SLIT3: variants seen among roughly 807,000 people sequenced by gnomAD.
SLIT3 encodes slit homolog 3 protein.
Under a neutral mutation model 184.0 loss-of-function variants are expected in SLIT3, and 68 were observed. The ratio of observed to expected loss-of-function variants is 0.37; its 90% CI spans 0.30 to 0.45. The LOEUF is 0.45. SLIT3 is among the 20% of genes least tolerant of loss of function. The pLI is 1.00. For synonymous variants in SLIT3, 831 were observed against 828.6 expected, an observed-to-expected ratio of 1.00 and a Z score of -0.05; for missense variants, 1,707 against 2,026.0, an observed-to-expected ratio of 0.84 and a Z score of 3.02.
intron 4 of SLIT3, among the ~76,000 whole-genome samples, chr5:168,985,386 C>G (rs62378595): frequency 6.6e-6 from 1 of 152,114 alleles, no homozygotes; most frequent in Non-Finnish European, 1.5e-5. Flanking sequence ...TCTGAACTGC[C>G]GTGGAGCAAA....
chr5:168,917,240 TC>T (rs1761471991), intron 4 of SLIT3, among the ~76,000 whole-genome samples: 1 of 152,202 alleles, frequency 6.6e-6, no homozygotes, highest in African/African-American at 2.4e-5. Context: ...GAGCTTTGGT[TC>T]CCAGACCAGA....
At position 168,662,381 on chromosome 5, in the gene SLIT3, T is replaced by C. The variant is rs1760890705; in HGVS notation, c.*4073A>G. The stretch of plus-strand genomic sequence containing the variant: ...AGGGTTCAGTCTGGCAATAGCTTTG[T>C]TTCTGGTGAAGGGAAAGGTTAGATC... On this transcript the variant is annotated 3_prime_UTR_variant, in exon 36 of 36. Coordinates refer to ENST00000519560, the MANE Select transcript of SLIT3 (RefSeq NM_003062.4). The C allele has an allele frequency of 6.6e-6, 1 of 152,210 alleles. No individual in the cohort carries two copies. Among genetic ancestry groups the C allele is most frequent in the Non-Finnish European group, 1.5e-5 (1 of 68,044 alleles). The allele number at this position is 152,210 out of a possible 1,614,324, so 9.4% of individuals were successfully genotyped here. A position where few individuals can be genotyped will look rare whatever the true frequency, so the allele number is the denominator to read the frequency against.
intron 4 of SLIT3, among the ~76,000 whole-genome samples, chr5:169,067,629 T>A (rs552181389): frequency 6.6e-6 from 1 of 152,276 alleles, no homozygotes; most frequent in African/African-American, 2.4e-5. Flanking sequence ...GCATCCTGAC[T>A]TATGCCGTGA....
chr5:168,953,752 A>T (rs10073514), intron 4 of SLIT3, among the ~76,000 whole-genome samples: 72,965 of 151,778 alleles, frequency 0.48, 18,693 homozygotes, highest in African/African-American at 0.67. Flanking sequence ...AGGCGCTGAA[A>T]GCATATTCTC....
chr5:169,105,221 T>C (rs1338072261), intron 4 of SLIT3, among the ~76,000 whole-genome samples: 1 of 152,246 alleles, frequency 6.6e-6, no homozygotes, highest in Admixed American at 6.5e-5. Context: ...TTAATGTGGG[T>C]GGGGGACGGC....
chr5:169,023,252 C>T (rs773624932), intron 4 of SLIT3, among the ~76,000 whole-genome samples: 5 of 152,092 alleles, frequency 3.3e-5, no homozygotes, highest in Non-Finnish European at 7.4e-5. Context: ...TCTGTGAGGA[C>T]CTAGTGCTGC....
At chr5:169,171,680 C>T (rs576864643) in intron 4 of SLIT3, among the ~76,000 whole-genome samples, 1 of 152,318 alleles carries the variant, frequency 6.6e-6, no homozygotes, top group Admixed American at 6.5e-5. Flanking sequence ...TGGAATGCAG[C>T]CCACCCTGTG....
intron 4 of SLIT3, among the ~76,000 whole-genome samples, chr5:168,945,746 C>T (rs1251770570): frequency 6.6e-6 from 1 of 152,236 alleles, no homozygotes; most frequent in Non-Finnish European, 1.5e-5. Context: ...CTCCTCCCAA[C>T]ACGTGCAACA....
At chr5:169,189,179 G>C (rs569521403) in intron 4 of SLIT3, among the ~76,000 whole-genome samples, 146 of 152,230 alleles carry the variant, frequency 9.6e-4, no homozygotes, top group South Asian at 7.5e-3. Context: ...ACATGAGTCG[G>C]ATGGCACTGG....
chr5:168,856,389 T>C lies in SLIT3; in HGVS notation c.486-11734A>G, dbSNP rs1328890518. 5.3e-5 allele frequency among the ~76,000 whole-genome samples: 8 copies of C among 152,256 alleles called. No individual in the cohort carries two copies. The East Asian group carries it at 1.5e-3, about 29-fold the overall frequency. Reference sequence around the variant, plus strand: ...CGATGAGATAGCAAACCTGATTCTATCTGGGTGTGAGAAGAACTACCTTGA... The same window carrying C: ...CGATGAGATAGCAAACCTGATTCTACCTGGGTGTGAGAAGAACTACCTTGA... On this transcript the variant is annotated intron_variant, in intron 5 of 35. Transcript: ENST00000519560.
chr5:169,181,541 A>T (rs2113443204), intron 4 of SLIT3, among the ~76,000 whole-genome samples: 1 of 152,206 alleles, frequency 6.6e-6, no homozygotes, highest in African/African-American at 2.4e-5. Flanking sequence ...AGAGATCGAG[A>T]CCATCCTGGC....
chr5:168,797,198 G>A (rs1756592557), intron 9 of SLIT3, among the ~76,000 whole-genome samples: 2 of 152,100 alleles, frequency 1.3e-5, no homozygotes, highest in Non-Finnish European at 2.9e-5. Flanking sequence ...CAGACTTGAG[G>A]CAGCCTGCCT....
chr5:169,104,398 T>C (rs1760128289), intron 4 of SLIT3, among the ~76,000 whole-genome samples: 1 of 152,222 alleles, frequency 6.6e-6, no homozygotes, highest in African/African-American at 2.4e-5. Flanking sequence ...AATTTCCTCT[T>C]GTATATTTTT....
chr5:169,175,971 G>T (rs942217767), intron 4 of SLIT3, among the ~76,000 whole-genome samples: 2 of 152,204 alleles, frequency 1.3e-5, no homozygotes, highest in Admixed American at 6.5e-5. Flanking sequence ...CACCGCTCAG[G>T]CAACAAAGTC....
At chr5:168,763,691 A>G (rs1755236907) in intron 14 of SLIT3, among the ~76,000 whole-genome samples, 1 of 152,220 alleles carries the variant, frequency 6.6e-6, no homozygotes, top group South Asian at 2.1e-4. Flanking sequence ...AACCTCTGTG[A>G]GACCTTGAAT....
In SLIT3 at chr5:168,944,806, T is replaced by G. The variant is rs571363394; in HGVS notation, c.414-61470A>C. Among the ~76,000 whole-genome samples, 3 of 152,252 alleles carry G rather than the reference T, an allele frequency of 2.0e-5. No homozygotes were observed. In the South Asian group the frequency reaches 6.2e-4, roughly 32 times the overall value. On this transcript the variant is annotated intron_variant, in intron 4 of 35. Transcript: ENST00000519560. ...TGGGCTTGCCATCCCCTAAGCTACTTCGTATGGTGACTTGATGGCTCTTTA... is the reference window on the plus strand; with the variant it reads ...TGGGCTTGCCATCCCCTAAGCTACTGCGTATGGTGACTTGATGGCTCTTTA...
intron 4 of SLIT3, among the ~76,000 whole-genome samples, chr5:168,982,091 A>C (rs79380271): frequency 0.055 from 8,360 of 152,252 alleles, 265 homozygotes; most frequent in African/African-American, 0.086. Flanking sequence ...CTTTCTTCTA[A>C]TTATGTGCAT....
chr5:169,280,129 G>A (rs1766947440), intron 1 of SLIT3, among the ~76,000 whole-genome samples: 1 of 152,226 alleles, frequency 6.6e-6, no homozygotes, highest in Non-Finnish European at 1.5e-5. Flanking sequence ...AAGCTGCCCA[G>A]CTTCCGCTGG....
intron 12 of SLIT3, among the ~76,000 whole-genome samples, chr5:168,776,491 A>G (rs900712662): frequency 6.6e-6 from 1 of 152,200 alleles, no homozygotes; most frequent in Non-Finnish European, 1.5e-5. Flanking sequence ...CACAAGTGAT[A>G]GGGGAGGAAA....
Sources: allele counts gnomAD v4.1 joint callset (sites outside exome capture counted in the v4.1 genomes callset), GRCh38; gene constraint gnomAD v4.1.1; transcripts MANE v1.5; gene names NCBI Gene and HGNC (gene_info 2026-07-23, HGNC 2026-07-21).